MBP: variants seen among roughly 807,000 people sequenced by gnomAD.
MBP encodes myelin basic protein.
In MBP, 16 loss-of-function variants were observed where a neutral mutation model predicts 35.8. The ratio of observed to expected loss-of-function variants is 0.45; its 90% CI spans 0.30 to 0.68. The LOEUF (loss-of-function observed/expected upper bound fraction) is 0.68, where lower values mean the gene tolerates loss of function less well. Ranked by LOEUF, MBP falls within the 30% of genes least tolerant of loss-of-function variation. The probability of loss-of-function intolerance (pLI) is 0.08; values close to 1 mark genes in which losing one functional copy is unlikely to be tolerated. For synonymous variants in MBP, 143 were observed against 159.6 expected (o/e 0.90, Z 0.78); for missense variants, 380 against 404.7 (o/e 0.94, Z 0.52).
intron 4 of MBP, among the ~76,000 whole-genome samples, chr18:76,997,889 A>G (rs927998848): frequency 2.6e-5 from 4 of 151,984 alleles, no homozygotes; most frequent in Admixed American, 6.5e-5. Flanking sequence ...TCACTGTGTT[A>G]GCCAGGATGG....
intron 1 of MBP, among the ~76,000 whole-genome samples, chr18:77,111,736 C>T (rs556946746): frequency 1.8e-4 from 27 of 152,294 alleles, no homozygotes; most frequent in African/African-American, 4.3e-4. Context: ...CTGTAGACAC[C>T]GCCCACCCTC....
chr18:77,109,280 A>G (rs1976374213), intron 1 of MBP: 1 of 152,292 alleles, frequency 6.6e-6, no homozygotes, highest in Non-Finnish European at 1.5e-5. Context: ...TAAAAACACC[A>G]GCTGCCCAGA....
intron 4 of MBP, chr18:77,014,269 G>C (rs539957244): frequency 3.5e-5 from 34 of 985,366 alleles, no homozygotes; most frequent in Non-Finnish European, 4.1e-5. Context: ...GCTCCAACAT[G>C]TGGTACCAGC....
chr18:77,002,211 G>T (rs1390340962), intron 4 of MBP, among the ~76,000 whole-genome samples: 1 of 152,166 alleles, frequency 6.6e-6, no homozygotes, highest in Non-Finnish European at 1.5e-5. Flanking sequence ...ACCACGGCAG[G>T]GTCCCATGCA....
In MBP at chr18:77,029,349, G is replaced by A. The variant is rs1173478434; in HGVS notation, c.140-12081C>T. Among the ~76,000 whole-genome samples, 12 of 147,366 alleles carry A rather than the reference G, an allele frequency of 8.1e-5. No homozygotes were observed. The South Asian group carries it at 2.0e-3, about 24-fold the overall frequency. Reference sequence around the variant, plus strand: ...TCAGGCAGGGGGGTTGCAGTGAGCCGAGATGGCAGCAGTACAGTCCAGCTT... The same window carrying A: ...TCAGGCAGGGGGGTTGCAGTGAGCCAAGATGGCAGCAGTACAGTCCAGCTT... On this transcript the variant is annotated intron_variant, in intron 3 of 8. Transcript: ENST00000355994.
chr18:77,036,395 C>T (rs1168022091), intron 3 of MBP, among the ~76,000 whole-genome samples: 7 of 142,340 alleles, frequency 4.9e-5, no homozygotes, highest in Non-Finnish European at 1.1e-4. Context: ...AAGTGCTGCT[C>T]ACGTTTCAGA....
intron 1 of MBP, among the ~76,000 whole-genome samples, chr18:77,119,110 G>A (rs1420516873): frequency 6.6e-6 from 1 of 152,202 alleles, no homozygotes; most frequent in Non-Finnish European, 1.5e-5. Context: ...GGTCCCTGAG[G>A]TGGAGCTGGG....
In MBP at chr18:77,127,302, T is replaced by C. The variant is rs372266164; in HGVS notation, c.-26+5278A>G. ...GAAGAAGGATCACCTTTTCAACTAA[T>C]AGTCCCGGAGCTATTGGACATTCGT... On this transcript the variant is annotated intron_variant, in intron 1 of 8. Transcript: ENST00000355994. The C allele has an allele frequency of 1.2e-4, 18 of 152,330 alleles. 1 individual carries two copies. The highest frequency in any genetic ancestry group is 4.3e-4 in the African/African-American group (18 of 41,568). 9.4% of individuals were successfully genotyped at this position (152,330 alleles called of 1,614,324 possible).
intron 1 of MBP, among the ~76,000 whole-genome samples, chr18:77,105,499 G>A (rs575100791): frequency 4.6e-5 from 7 of 152,226 alleles, no homozygotes; most frequent in South Asian, 2.1e-4. Context: ...AAACAGAACC[G>A]CACCAACATC....
At chr18:77,038,785 T>C (rs903137826) in intron 3 of MBP, among the ~76,000 whole-genome samples, 3 of 152,252 alleles carry the variant, frequency 2.0e-5, no homozygotes, top group Non-Finnish European at 4.4e-5. Flanking sequence ...TCAATTAATA[T>C]GATGTGTGCT....
Position 77,078,740 on chromosome 18 carries a change from G to A in MBP, c.52-12355C>T, listed in dbSNP as rs187109183. Among the ~76,000 whole-genome samples the A allele has an allele frequency of 5.0e-4, 76 of 152,358 alleles. No individual in the cohort carries two copies. The East Asian group carries it at 9.1e-3, about 18-fold the overall frequency. ...ATTCCTGACAGGTGAGTTCCATCCC[G>A]TGCCCTGTGCTGGGGCTCTGCTCCT... On this transcript the variant is annotated intron_variant, in intron 2 of 8. Coordinates refer to ENST00000355994, the MANE Select transcript of MBP (RefSeq NM_001025101.2).
At chr18:76,995,361 G>C (rs1970211544) in intron 4 of MBP, among the ~76,000 whole-genome samples, 1 of 152,278 alleles carries the variant, frequency 6.6e-6, no homozygotes, top group Non-Finnish European at 1.5e-5. Context: ...ATGGAAATCC[G>C]AGGGAGCAAA....
intron 2 of MBP, among the ~76,000 whole-genome samples, chr18:77,082,986 T>C (rs1005427994): frequency 6.6e-6 from 1 of 152,002 alleles, no homozygotes; most frequent in African/African-American, 2.4e-5. Flanking sequence ...TATTTTTTTT[T>C]TTTCTTGAGA....
At chr18:77,060,852 C>T (rs1973950821) in intron 3 of MBP, among the ~76,000 whole-genome samples, 1 of 152,220 alleles carries the variant, frequency 6.6e-6, no homozygotes, top group Non-Finnish European at 1.5e-5. Flanking sequence ...AGTCGCACCC[C>T]CAGTTGCATT....
intron 7 of MBP, 105 bp from the exon 8 acceptor site, chr18:76,984,999 G>C (rs112073110): frequency 6.5e-7 from 1 of 1,548,880 alleles, no homozygotes; most frequent in East Asian, 2.3e-5. Context: ...CCCAGGCCCC[G>C]GACTGGACTG....
intron 3 of MBP, among the ~76,000 whole-genome samples, chr18:77,053,618 C>T (rs984727010): frequency 2.0e-5 from 3 of 152,260 alleles, no homozygotes; most frequent in Non-Finnish European, 4.4e-5. Context: ...ACTTGCTGAG[C>T]TGTAGCATAG....
At chr18:77,051,347 A>G (rs1973481269) in intron 3 of MBP, among the ~76,000 whole-genome samples, 1 of 152,222 alleles carries the variant, frequency 6.6e-6, no homozygotes, top group Non-Finnish European at 1.5e-5. Context: ...CTCTAATGAT[A>G]AAATTAACCT....
In MBP at chr18:77,101,768, CCT is replaced by C. The variant is rs1303900662; in HGVS notation, c.51+3441_51+3442del. On this transcript the variant is annotated intron_variant, in intron 2 of 8. Coordinates refer to ENST00000355994, the MANE Select transcript of MBP (RefSeq NM_001025101.2). The surrounding 1 kb of genome is among the most constrained non-coding windows in gnomAD (Gnocchi z 4.3). ...ATGAGAGAGAAGCAAATTTCAAAGC[CCT>C]GAGTCACTGAGGGCAAAACTTGCAA... 1.3e-5 allele frequency among the ~76,000 whole-genome samples: 2 copies of C among 152,176 alleles called. No homozygotes were observed. The highest frequency in any genetic ancestry group is 4.8e-5 in the African/African-American group (2 of 41,426).
intron 2 of MBP, among the ~76,000 whole-genome samples, chr18:77,084,431 C>CACACACACACACACACACACACACACACA (rs60600826): frequency 9.4e-6 from 1 of 105,886 alleles, no homozygotes; most frequent in Admixed American, 9.7e-5. Flanking sequence ...CCACACCACA[C>CACACACACACACACACACACACACACACA]CACACACACA....
Sources: gnomAD v4.1 joint callset for allele counts (sites outside exome capture counted in the v4.1 genomes callset) on GRCh38, gnomAD v4.1.1 for gene constraint, Gnocchi (gnomAD v3.1) non-coding constraint, MANE v1.5 for transcripts, NCBI Gene and HGNC (gene_info 2026-07-23, HGNC 2026-07-21) for gene names.